The following ZBTB20 variants were observed in gnomAD, a reference collection of about 807,000 sequenced individuals.
The protein encoded by ZBTB20 is zinc finger and BTB domain containing 20, also known as zinc finger and BTB domain-containing protein 20.
ZBTB20 carries 9 observed loss-of-function variants against 56.9 expected under a neutral mutation model. The ratio of observed to expected loss-of-function variants is 0.16; its 90% confidence interval spans 0.10 to 0.28. ZBTB20 has a LOEUF of 0.28. Among genes scored for constraint, ZBTB20 ranks in the 10% least tolerant of loss-of-function variants. The pLI is 1.00. For missense variants in ZBTB20, 655 were observed against 1,003.0 expected (o/e 0.65, Z 4.69); for synonymous variants, 417 against 420.7 (o/e 0.99, Z 0.11).
chr3:114,414,330 T>C (rs1173807832), intron 7 of ZBTB20, among the ~76,000 whole-genome samples: 1 of 152,096 alleles, frequency 6.6e-6, no homozygotes, highest in Non-Finnish European at 1.5e-5. Flanking sequence ...TAATGTTGAA[T>C]GGGATATCAA....
In ZBTB20 at chr3:114,332,318, A is replaced by C. The variant is rs1576200469; in HGVS notation, c.*6687T>G. The C allele has an allele frequency of 6.6e-6, 1 of 152,152 alleles. No individual in the cohort carries two copies. Among genetic ancestry groups the C allele is most frequent in the African/African-American group, 2.4e-5 (1 of 41,432 alleles). The allele number at this position is 152,152 out of a possible 1,614,324, so 9.4% of individuals were successfully genotyped here. A position where few individuals can be genotyped will look rare whatever the true frequency, so the allele number is the denominator to read the frequency against. On this transcript the variant is annotated 3_prime_UTR_variant, in exon 12 of 12. Transcript: ENST00000675478. ...CACCAGATAAAACAGATGTTCTCTA[A>C]AACTGAGGAAAAAAAGTTTAGAGAT...
chr3:114,989,144 G>A (rs2078687625), intron 2 of ZBTB20, among the ~76,000 whole-genome samples: 1 of 152,118 alleles, frequency 6.6e-6, no homozygotes, highest in Non-Finnish European at 1.5e-5. Flanking sequence ...TGTTGCCATT[G>A]CTTTTGGTGT....
In ZBTB20 at chr3:114,325,501, T is replaced by C. The variant is rs1330367372; in HGVS notation, c.*13504A>G. On this transcript the variant is annotated 3_prime_UTR_variant, in exon 12 of 12. Coordinates refer to ENST00000675478, the MANE Select transcript of ZBTB20 (RefSeq NM_001348800.3). Reference sequence around the variant, plus strand: ...AAGTCAGGAGTTTCTACAATTTCTCTAGAAGTGTTTGGCAGCATGAAGAGA... The same window carrying C: ...AAGTCAGGAGTTTCTACAATTTCTCCAGAAGTGTTTGGCAGCATGAAGAGA... 1 of 152,212 alleles carries C rather than the reference T, an allele frequency of 6.6e-6. No homozygotes were observed. Among genetic ancestry groups the C allele is most frequent in the African/African-American group, 2.4e-5 (1 of 41,458 alleles). 9.4% of individuals were successfully genotyped at this position (152,212 alleles called of 1,614,324 possible). A position where few individuals can be genotyped will look rare whatever the true frequency, so the allele number is the denominator to read the frequency against.
intron 6 of ZBTB20, among the ~76,000 whole-genome samples, chr3:114,563,574 T>G (rs2052360908): frequency 6.6e-6 from 1 of 152,178 alleles, no homozygotes; most frequent in Admixed American, 6.5e-5. Context: ...CTTACCTTAT[T>G]AAGTTAACTG....
chr3:114,656,224 A>G (rs2060399888), intron 6 of ZBTB20, among the ~76,000 whole-genome samples: 1 of 152,132 alleles, frequency 6.6e-6, no homozygotes, highest in South Asian at 2.1e-4. Flanking sequence ...TTTTCTTTGT[A>G]TCTTTGGTGT....
intron 6 of ZBTB20, among the ~76,000 whole-genome samples, chr3:114,616,725 C>T (rs1371482055): frequency 1.3e-5 from 2 of 152,186 alleles, no homozygotes; most frequent in Non-Finnish European, 2.9e-5. Context: ...CTCCAGCATT[C>T]CTGACTAAAT....
intron 4 of ZBTB20, among the ~76,000 whole-genome samples, chr3:114,897,990 G>C (rs2074955792): frequency 6.6e-6 from 1 of 152,044 alleles, no homozygotes; most frequent in South Asian, 2.1e-4. Flanking sequence ...ACTCTTGCTT[G>C]GCTTTACCTC....
intron 6 of ZBTB20, among the ~76,000 whole-genome samples, chr3:114,584,904 A>G (rs1244816446): frequency 6.6e-6 from 1 of 152,158 alleles, no homozygotes; most frequent in African/African-American, 2.4e-5. Context: ...AATACAAGGC[A>G]GCTGACACCT....
chr3:114,497,453 G>A (rs2043412924), intron 7 of ZBTB20, among the ~76,000 whole-genome samples: 1 of 152,122 alleles, frequency 6.6e-6, no homozygotes, highest in Admixed American at 6.5e-5. Flanking sequence ...TCACTCCTCT[G>A]AATCTCGCTG....
chr3:114,840,741 CA>C (rs748830565), intron 4 of ZBTB20, among the ~76,000 whole-genome samples: 1 of 151,010 alleles, frequency 6.6e-6, no homozygotes, highest in Non-Finnish European at 1.5e-5. Flanking sequence ...TTAAAACAGA[CA>C]AAAAAAAGTA....
chr3:114,436,105 G>A (rs148082250), intron 7 of ZBTB20, among the ~76,000 whole-genome samples: 1 of 152,108 alleles, frequency 6.6e-6, no homozygotes, highest in Non-Finnish European at 1.5e-5. Context: ...GCATTTCCTG[G>A]CAACAAATAC....
intron 3 of ZBTB20, among the ~76,000 whole-genome samples, chr3:114,917,378 G>C (rs1244585422): frequency 6.6e-6 from 1 of 152,134 alleles, no homozygotes; most frequent in African/African-American, 2.4e-5. Context: ...TATTTAGATT[G>C]CTTGATGAGG....
chr3:115,106,409 A>AT (rs1293232163), intron 1 of ZBTB20, among the ~76,000 whole-genome samples: 1 of 150,620 alleles, frequency 6.6e-6, no homozygotes, highest in African/African-American at 2.4e-5. Context: ...AATTTTTTGT[A>AT]TTTTTAGCAG....
Position 115,110,848 on chromosome 3 carries a change from G to C in ZBTB20, c.-703+36371C>G, listed in dbSNP as rs992426601. On this transcript the variant is annotated intron_variant, in intron 1 of 11. Transcript: ENST00000675478. Reference sequence around the variant, plus strand: ...TACTAAAAATACAAAAATTATCCGGGCTAGGTGGCATGTGCCTGTAATCCC... The same window carrying C: ...TACTAAAAATACAAAAATTATCCGGCCTAGGTGGCATGTGCCTGTAATCCC... 2.6e-5 allele frequency among the ~76,000 whole-genome samples: 4 copies of C among 152,138 alleles called. No individual in the cohort carries two copies. In the East Asian group the frequency reaches 5.8e-4, roughly 22 times the overall value.
At chr3:114,460,239 C>T (rs984627703) in intron 7 of ZBTB20, among the ~76,000 whole-genome samples, 2 of 152,008 alleles carry the variant, frequency 1.3e-5, no homozygotes, top group African/African-American at 4.8e-5. Context: ...TACAATATTC[C>T]TAATGTAGTC....
At chr3:114,940,090 CA>C (rs2076676030) in intron 3 of ZBTB20, among the ~76,000 whole-genome samples, 1 of 3,140 alleles carries the variant, frequency 3.2e-4, no homozygotes. Flanking sequence ...CTAGTGCATT[CA>C]TTTTTTCAAC....
chr3:114,840,553 C>T (rs1026267892), intron 4 of ZBTB20, among the ~76,000 whole-genome samples: 13 of 152,042 alleles, frequency 8.6e-5, no homozygotes, highest in African/African-American at 2.9e-4. Flanking sequence ...AATGAAAAAG[C>T]CAGAGTATTA....
intron 6 of ZBTB20, among the ~76,000 whole-genome samples, chr3:114,528,159 C>T (rs2047448852): frequency 6.6e-6 from 1 of 152,012 alleles, no homozygotes; most frequent in African/African-American, 2.4e-5. Context: ...AGAAAATGTG[C>T]TCTAGAGTCA....
chr3:115,127,572 A>C (rs977106151), intron 1 of ZBTB20, among the ~76,000 whole-genome samples: 1 of 152,170 alleles, frequency 6.6e-6, no homozygotes, highest in African/African-American at 2.4e-5. Context: ...CAGCCTGGGC[A>C]ATAAATCAAA....
Sources: gnomAD v4.1 joint callset for allele counts (sites outside exome capture counted in the v4.1 genomes callset) on GRCh38, gnomAD v4.1.1 for gene constraint, MANE v1.5 for transcripts, NCBI Gene and HGNC (gene_info 2026-07-23, HGNC 2026-07-21) for gene names.